The following GRB14 variants were observed in gnomAD, a reference collection of about 807,000 sequenced individuals.
The protein encoded by GRB14 is growth factor receptor-bound protein 14.
GRB14 carries 38 observed loss-of-function variants against 69.1 expected under a neutral mutation model. That is an observed-to-expected ratio of 0.55 (90% CI 0.42 to 0.72). The LOEUF is 0.72. GRB14 is among the 30% of genes least tolerant of loss of function. The pLI is 0.00. For synonymous variants in GRB14, 247 were observed against 241.3 expected, an observed-to-expected ratio of 1.02 and a Z score of -0.22; for missense variants, 666 against 666.1, an observed-to-expected ratio of 1.00 and a Z score of 0.00.
At chr2:164,568,814 A>G (rs1355047618) in intron 2 of GRB14, among the ~76,000 whole-genome samples, 1 of 152,174 alleles carries the variant, frequency 6.6e-6, no homozygotes, top group Non-Finnish European at 1.5e-5. Flanking sequence ...ATATTAATGA[A>G]CTAAATTTAC....
At chr2:164,571,263 T>C (rs1689115033) in intron 2 of GRB14, among the ~76,000 whole-genome samples, 1 of 151,572 alleles carries the variant, frequency 6.6e-6, no homozygotes, top group African/African-American at 2.4e-5. Flanking sequence ...TTTTCTTCAG[T>C]TGCAAAAATG....
intron 8 of GRB14, among the ~76,000 whole-genome samples, chr2:164,503,183 A>AG (rs1553506309): frequency 0.023 from 3,515 of 150,842 alleles, 166 homozygotes; most frequent in African/African-American, 0.081. Flanking sequence ...AAAAAAAAAA[A>AG]AAAAGAAAAG....
intron 2 of GRB14, among the ~76,000 whole-genome samples, chr2:164,595,138 A>C (rs1689753584): frequency 6.6e-6 from 1 of 152,250 alleles, no homozygotes; most frequent in South Asian, 2.1e-4. Flanking sequence ...CAGATGATCA[A>C]ATACTTGAGA....
At chr2:164,573,514 CT>C (rs1051913095) in intron 2 of GRB14, among the ~76,000 whole-genome samples, 24 of 152,096 alleles carry the variant, frequency 1.6e-4, no homozygotes, top group East Asian at 1.9e-4. Context: ...TCAGAAAATT[CT>C]TTTTTTTAAA....
At chr2:164,518,372 G>A (rs1687548948) in intron 6 of GRB14, among the ~76,000 whole-genome samples, 1 of 152,134 alleles carries the variant, frequency 6.6e-6, no homozygotes, top group Admixed American at 6.5e-5. Context: ...CAAAGGTAGT[G>A]CTAAGAGGAA....
In GRB14 at chr2:164,493,243, T is replaced by A. The variant is rs1414644952; in HGVS notation, c.1477-61A>T. 37 of 1,492,200 alleles carry A rather than the reference T, an allele frequency of 2.5e-5. No individual in the cohort carries two copies. In the East Asian group the frequency reaches 8.8e-4, roughly 36 times the overall value. 92.4% of individuals were successfully genotyped at this position (1,492,200 alleles called of 1,614,324 possible). A position where few individuals can be genotyped will look rare whatever the true frequency, so the allele number is the denominator to read the frequency against. ...TAAATTACACAGAAGGACAATCATATTCGATTGCAAACTATCTCCACATGC... is the reference window on the plus strand; with the variant it reads ...TAAATTACACAGAAGGACAATCATAATCGATTGCAAACTATCTCCACATGC... On this transcript the variant is annotated intron_variant, in intron 13 of 13. Coordinates refer to ENST00000263915, the MANE Select transcript of GRB14 (RefSeq NM_004490.3).
rs768086485 is a variant in GRB14 at position 164,522,089 on chromosome 2, T to A, written c.707A>T (p.Glu236Val). 21 of 1,599,180 alleles carry A rather than the reference T, an allele frequency of 1.3e-5. No individual in the cohort carries two copies. The South Asian group carries it at 2.4e-4, about 18-fold the overall frequency. Residue 236 changes from glutamate to valine, a missense_variant, in exon 6 of 14, where the codon GAA (glutamate) becomes GTA (valine). Coordinates refer to ENST00000263915, the MANE Select transcript of GRB14 (RefSeq NM_004490.3). Reference protein sequence around the residue: ...QMFLSSSTYPEIHGFLHAKEQ... With the variant: ...QMFLSSSTYPVIHGFLHAKEQ... ...TTTCGCATGTAAGAAACCATGAATT[T>A]CAGGATATGTGCTTGAACTCAGAAA...
At chr2:164,575,464 A>C (rs1412654385) in intron 2 of GRB14, among the ~76,000 whole-genome samples, 1 of 152,224 alleles carries the variant, frequency 6.6e-6, no homozygotes, top group East Asian at 1.9e-4. Context: ...TATGAGCCAT[A>C]ACAATTTAAG....
At chr2:164,552,717 GTC>G (rs1351530779) in intron 2 of GRB14, among the ~76,000 whole-genome samples, 1 of 152,120 alleles carries the variant, frequency 6.6e-6, no homozygotes, top group Non-Finnish European at 1.5e-5. Context: ...TGATGTCAAG[GTC>G]TATTTGGAGT....
At chr2:164,543,927 C>A (rs1009238732) in intron 3 of GRB14, among the ~76,000 whole-genome samples, 2 of 152,124 alleles carry the variant, frequency 1.3e-5, no homozygotes, top group Non-Finnish European at 2.9e-5. Flanking sequence ...CCTCTTACAT[C>A]GGTAAAGAAC....
At chr2:164,588,293 A>G (rs1273012680) in intron 2 of GRB14, among the ~76,000 whole-genome samples, 2 of 152,204 alleles carry the variant, frequency 1.3e-5, no homozygotes, top group East Asian at 1.9e-4. Flanking sequence ...AATGTTGCCA[A>G]TGTACCTCAT....
chr2:164,608,017 A>G (rs1477995683), intron 2 of GRB14, among the ~76,000 whole-genome samples: 3 of 152,120 alleles, frequency 2.0e-5, no homozygotes. Context: ...CTCAAAAGCA[A>G]TTGGCCAAAT....
intron 2 of GRB14, among the ~76,000 whole-genome samples, chr2:164,577,224 C>T (rs566293799): frequency 6.6e-6 from 1 of 152,242 alleles, no homozygotes; most frequent in East Asian, 1.9e-4. Flanking sequence ...CAAACTATTT[C>T]AAAGTTAAGA....
At chr2:164,551,081 T>C (rs1042632332) in intron 2 of GRB14, among the ~76,000 whole-genome samples, 1 of 152,198 alleles carries the variant, frequency 6.6e-6, no homozygotes, top group Non-Finnish European at 1.5e-5. Flanking sequence ...ATTTATATGA[T>C]AGAAACCAGT....
intron 2 of GRB14, among the ~76,000 whole-genome samples, chr2:164,616,189 C>G (rs1690287756): frequency 1.3e-5 from 2 of 151,914 alleles, no homozygotes; most frequent in African/African-American, 4.8e-5. Context: ...CTTTGGGAGG[C>G]CAAGGCGGGT....
intron 8 of GRB14, among the ~76,000 whole-genome samples, chr2:164,503,141 A>G (rs1687100150): frequency 6.6e-6 from 1 of 150,632 alleles, no homozygotes; most frequent in Non-Finnish European, 1.5e-5. Context: ...TTTGGAAGCT[A>G]ACCTCCTTTA....
At chr2:164,526,961 A>C in intron 4 of GRB14, 53 bp downstream of exon 4, 1 of 1,358,472 alleles carries the variant, frequency 7.4e-7, no homozygotes, top group South Asian at 1.3e-5. Context: ...TCTTCACATA[A>C]AATTTAACGG....
rs2105368220 is a variant in GRB14, at chr2:164,621,313, C to A, written c.-4G>T. 4 of 1,285,144 alleles carry A rather than the reference C, an allele frequency of 3.1e-6. No homozygotes were observed. The highest frequency in any genetic ancestry group is 3.3e-5 in the South Asian group (1 of 29,968). 79.6% of individuals were successfully genotyped at this position (1,285,144 alleles called of 1,614,324 possible). A position where few individuals can be genotyped will look rare whatever the true frequency, so the allele number is the denominator to read the frequency against. On this transcript the variant is annotated 5_prime_UTR_variant, in exon 1 of 14. Coordinates refer to ENST00000263915, the MANE Select transcript of GRB14 (RefSeq NM_004490.3). The surrounding 1 kb of genome is among the most constrained non-coding windows in gnomAD (Gnocchi z 6.0). ...CATCTTGCAGGGAAGTGGTCATTGT[C>A]GCCGGCCGGGGGGCTCGGGCGTCAT... is the stretch of plus-strand genomic sequence containing the variant.
intron 2 of GRB14, among the ~76,000 whole-genome samples, chr2:164,603,617 C>T (rs1337983720): frequency 6.7e-6 from 1 of 149,372 alleles, no homozygotes. Flanking sequence ...GAGCCAAGGT[C>T]GAGCCACTGC....
Sources: gnomAD v4.1 joint callset for allele counts (sites outside exome capture counted in the v4.1 genomes callset) on GRCh38, gnomAD v4.1.1 for gene constraint, Gnocchi (gnomAD v3.1) non-coding constraint, MANE v1.5 for transcripts, NCBI Gene and HGNC (gene_info 2026-07-23, HGNC 2026-07-21) for gene names.